Variants in GLIS3 observed in about 807,000 individuals in gnomAD.
The protein encoded by GLIS3 is GLIS family zinc finger 3.
GLIS3 carries 53 observed loss-of-function variants against 78.6 expected under a neutral mutation model. That is an observed-to-expected ratio of 0.67 (90% CI 0.54 to 0.85). The LOEUF is 0.85. GLIS3 is among the 40% of genes least tolerant of loss of function. The pLI is 0.00. For missense variants in GLIS3, 1,703 were observed against 1,231.1 expected (o/e 1.38, Z -5.74); for synonymous variants, 684 against 509.9 (o/e 1.34, Z -4.60).
chr9:4,252,448 G>T (rs1420986934), intron 2 of GLIS3, among the ~76,000 whole-genome samples: 1 of 151,898 alleles, frequency 6.6e-6, no homozygotes, highest in African/African-American at 2.4e-5. Flanking sequence ...CTGTTTTTCA[G>T]TTCCATCAGG....
At chr9:4,417,663 AG>A in the GLIS3 span, among the ~76,000 whole-genome samples, 2 of 152,192 alleles carry the variant, frequency 1.3e-5, no homozygotes, top group South Asian at 2.1e-4. Flanking sequence ...AGGTCAAAAA[AG>A]TGTGCATTTT....
intron 2 of GLIS3, among the ~76,000 whole-genome samples, chr9:4,203,268 A>C (rs1234161291): frequency 6.6e-6 from 1 of 152,200 alleles, no homozygotes; most frequent in Non-Finnish European, 1.5e-5. Context: ...CCAAATCATA[A>C]TGAGGTAGCA....
At chr9:4,033,740 G>T (rs546230440) in intron 4 of GLIS3, among the ~76,000 whole-genome samples, 5 of 152,094 alleles carry the variant, frequency 3.3e-5, no homozygotes, top group African/African-American at 1.2e-4. Flanking sequence ...AAAGGGCGAT[G>T]CTGTATACAG....
chr9:4,084,256 A>AACACACACACACACACACAC (rs370384726), intron 4 of GLIS3, among the ~76,000 whole-genome samples: 2,269 of 132,068 alleles, frequency 0.017, 50 homozygotes, highest in Non-Finnish European at 0.024. Context: ...TCCTCTCTCT[A>AACACACACACACACACACAC]ACACACACAC....
intron 1 of GLIS3, among the ~76,000 whole-genome samples, chr9:4,291,008 A>C (rs888487586): frequency 6.6e-6 from 1 of 152,152 alleles, no homozygotes; most frequent in Non-Finnish European, 1.5e-5. Context: ...ACAAATTCAT[A>C]GAATTTGCAA....
chr9:4,148,992 G>A (rs1043848277), intron 2 of GLIS3, among the ~76,000 whole-genome samples: 12 of 151,890 alleles, frequency 7.9e-5, no homozygotes, highest in Non-Finnish European at 1.3e-4. Context: ...GAAGCCCTCC[G>A]TGGAAACAAG....
At chr9:3,864,705 A>G (rs1020186225) in intron 8 of GLIS3, among the ~76,000 whole-genome samples, 2 of 152,146 alleles carry the variant, frequency 1.3e-5, no homozygotes, top group African/African-American at 4.8e-5. Flanking sequence ...AATTTTCTGC[A>G]CCTTCTCTTA....
intron 4 of GLIS3, among the ~76,000 whole-genome samples, chr9:4,006,440 C>T (rs2129974108): frequency 6.7e-6 from 1 of 150,276 alleles, no homozygotes; most frequent in South Asian, 2.1e-4. Context: ...ATGATAAAAA[C>T]ATGCCATTAT....
At chr9:3,956,028 C>CCAAAAAAAAA (rs1491307787) in intron 4 of GLIS3, among the ~76,000 whole-genome samples, 1 of 87,630 alleles carries the variant, frequency 1.1e-5, no homozygotes, top group Non-Finnish European at 2.3e-5. Context: ...CCAGATTCAG[C>CCAAAAAAAAA]AAAAAAAAAA....
chr9:3,967,010 G>GAAAAAAAA (rs1563901200), intron 4 of GLIS3, among the ~76,000 whole-genome samples: 2 of 27,848 alleles, frequency 7.2e-5, no homozygotes, highest in Non-Finnish European at 1.4e-4. Context: ...ATTTCTTTCT[G>GAAAAAAAA]CAAAAAAAAA....
the GLIS3 span, among the ~76,000 whole-genome samples, chr9:4,447,128 G>A: frequency 6.6e-6 from 1 of 151,930 alleles, no homozygotes; most frequent in Non-Finnish European, 1.5e-5. Context: ...GCTCACTGCA[G>A]CATCAAACTC....
At chr9:4,384,448 T>C in the GLIS3 span, among the ~76,000 whole-genome samples, 2 of 152,218 alleles carry the variant, frequency 1.3e-5, no homozygotes, top group South Asian at 2.1e-4. Flanking sequence ...TCATGGTTGA[T>C]TGTTTGCCAA....
At chr9:3,957,509 A>G (rs1393516079) in intron 4 of GLIS3, among the ~76,000 whole-genome samples, 1 of 152,230 alleles carries the variant, frequency 6.6e-6, no homozygotes, top group Non-Finnish European at 1.5e-5. Flanking sequence ...CTTGTCAACC[A>G]AGGGACTTAT....
At chr9:4,196,816 A>G (rs1366754913) in intron 2 of GLIS3, among the ~76,000 whole-genome samples, 2 of 152,152 alleles carry the variant, frequency 1.3e-5, no homozygotes, top group Non-Finnish European at 2.9e-5. Flanking sequence ...TACAGTTTCT[A>G]CCACACAATG....
upstream of GLIS3, among the ~76,000 whole-genome samples, chr9:4,303,268 G>GACACACAC (rs5896061): frequency 4.5e-3 from 656 of 145,058 alleles, 2 homozygotes; most frequent in African/African-American, 0.017. Context: ...TTAAAACACA[G>GACACACAC]ACACACACAC....
intron 6 of GLIS3, among the ~76,000 whole-genome samples, chr9:3,907,484 C>T (rs1003183466): frequency 2.0e-5 from 3 of 151,930 alleles, no homozygotes; most frequent in Non-Finnish European, 4.4e-5. Context: ...CTACTGATGC[C>T]CCACCCAGCG....
At chr9:4,463,845 G>A in the GLIS3 span, among the ~76,000 whole-genome samples, 1 of 152,196 alleles carries the variant, frequency 6.6e-6, no homozygotes, top group Non-Finnish European at 1.5e-5. Flanking sequence ...GAGTGCAGGA[G>A]TGCAGGCAGT....
intron 7 of GLIS3, among the ~76,000 whole-genome samples, chr9:3,894,102 GC>G (rs5896032): frequency 0.029 from 4,482 of 152,226 alleles, 212 homozygotes; most frequent in African/African-American, 0.1. Flanking sequence ...TCCCTTTTGT[GC>G]CCCCAAGTTT....
intron 2 of GLIS3, among the ~76,000 whole-genome samples, chr9:4,274,550 G>A (rs1372484811): frequency 6.6e-6 from 1 of 152,180 alleles, no homozygotes; most frequent in African/African-American, 2.4e-5. Flanking sequence ...AATGAATATT[G>A]GGTGGAAGTG....
Sources: allele counts gnomAD v4.1 joint callset (sites outside exome capture counted in the v4.1 genomes callset), GRCh38; gene constraint gnomAD v4.1.1; transcripts MANE v1.5; gene names NCBI Gene and HGNC (gene_info 2026-07-23, HGNC 2026-07-21).